The following ZMAT4 variants were observed in gnomAD, a reference collection of about 807,000 sequenced individuals.
ZMAT4 encodes the protein zinc finger matrin-type protein 4.
Under a neutral mutation model 28.7 loss-of-function variants are expected in ZMAT4, and 17 were observed. The ratio of observed to expected loss-of-function variants is 0.59; its 90% CI spans 0.41 to 0.89. The LOEUF (loss-of-function observed/expected upper bound fraction) is 0.89, where lower values mean the gene tolerates loss of function less well. Among genes scored for constraint, ZMAT4 ranks in the 40% least tolerant of loss-of-function variants. The pLI is 0.00. For synonymous variants in ZMAT4, 117 were observed against 109.2 expected (o/e 1.07, Z -0.44); for missense variants, 240 against 283.8 (o/e 0.85, Z 1.11).
Position 40,531,381 on chromosome 8 carries a change from G to A in ZMAT4, c.*842C>T, listed in dbSNP as rs568298463. 4 of 147,920 alleles carry A rather than the reference G, an allele frequency of 2.7e-5. No homozygotes were observed. Among genetic ancestry groups the A allele is most frequent in the African/African-American group, 9.7e-5 (4 of 41,082 alleles). The allele number at this position is 147,920 out of a possible 1,614,324, so 9.2% of individuals were successfully genotyped here. A position where few individuals can be genotyped will look rare whatever the true frequency, so the allele number is the denominator to read the frequency against. On this transcript the variant is annotated 3_prime_UTR_variant, in exon 7 of 7. Transcript: ENST00000297737. ...TCCCCCAATTAAAGCCCACAGTTCA[G>A]GCCAAACATCATAAAAAAAAATACT...
chr8:40,572,903 T>C (rs1804143320), intron 6 of ZMAT4, among the ~76,000 whole-genome samples: 1 of 152,148 alleles, frequency 6.6e-6, no homozygotes, highest in Non-Finnish European at 1.5e-5. Context: ...GTTATCATAA[T>C]AGTAGTAGTA....
intron 4 of ZMAT4, among the ~76,000 whole-genome samples, chr8:40,682,468 G>A (rs1809216353): frequency 6.6e-6 from 1 of 152,142 alleles, no homozygotes; most frequent in Non-Finnish European, 1.5e-5. Context: ...GGCTCTAATT[G>A]TTTAGATAAA....
At chr8:40,683,273 C>T (rs971357166) in intron 4 of ZMAT4, among the ~76,000 whole-genome samples, 5 of 152,130 alleles carry the variant, frequency 3.3e-5, no homozygotes, top group Non-Finnish European at 5.9e-5. Context: ...TCTGTCCAGA[C>T]GGATCTGAAA....
At chr8:40,559,431 T>G (rs1003690804) in intron 6 of ZMAT4, among the ~76,000 whole-genome samples, 3 of 152,084 alleles carry the variant, frequency 2.0e-5, no homozygotes, top group Non-Finnish European at 4.4e-5. Context: ...TTCCTCCTCC[T>G]AACATAACCT....
chr8:40,825,463 G>T, intron 2 of ZMAT4, 112 bp downstream of exon 2: 2 of 851,990 alleles, frequency 2.3e-6, no homozygotes, highest in Non-Finnish European at 3.7e-6. Context: ...CTCAAGTCCT[G>T]TGGTTCTTCA....
chr8:40,881,611 AAG>A (rs949551950), intron 1 of ZMAT4, among the ~76,000 whole-genome samples: 4 of 148,064 alleles, frequency 2.7e-5, no homozygotes, highest in African/African-American at 5.0e-5. Context: ...AAGAAAAGAA[AAG>A]AGAGAGAGAA....
At chr8:40,820,725 A>G (rs1366179546) in intron 2 of ZMAT4, among the ~76,000 whole-genome samples, 1 of 732 alleles carries the variant, frequency 1.4e-3, no homozygotes, top group African/African-American at 5.5e-3. Context: ...GTACGTGTGT[A>G]TGTCTGTGTA....
chr8:40,668,877 G>GT (rs1255917857), intron 5 of ZMAT4, among the ~76,000 whole-genome samples: 5 of 99,464 alleles, frequency 5.0e-5, no homozygotes, highest in Non-Finnish European at 6.9e-5. Flanking sequence ...GCCTTTTAAA[G>GT]TGTTTTTTTT....
chr8:40,865,919 A>G (rs1817663900), intron 1 of ZMAT4, among the ~76,000 whole-genome samples: 1 of 152,228 alleles, frequency 6.6e-6, no homozygotes, highest in Non-Finnish European at 1.5e-5. Flanking sequence ...GCTGCTCAAA[A>G]GAAAAGAGAG....
chr8:40,648,858 A>C (rs1003470860), intron 5 of ZMAT4, among the ~76,000 whole-genome samples: 12 of 138,774 alleles, frequency 8.6e-5, no homozygotes, highest in Non-Finnish European at 1.9e-4. Flanking sequence ...AAAATACTTT[A>C]CAGACAAGCA....
intron 5 of ZMAT4, among the ~76,000 whole-genome samples, chr8:40,614,890 C>G (rs1805940518): frequency 6.6e-6 from 1 of 152,120 alleles, no homozygotes; most frequent in African/African-American, 2.4e-5. Flanking sequence ...ATTTGCCAGT[C>G]TGTGTCTTTT....
intron 2 of ZMAT4, 129 bp downstream of exon 2, chr8:40,825,446 G>C (rs1015125953): frequency 1.6e-5 from 12 of 737,550 alleles, no homozygotes; most frequent in Non-Finnish European, 2.5e-5. Context: ...ACCTCAGACT[G>C]TACAGGCTCA....
At position 40,581,206 on chromosome 8, in the gene ZMAT4, T is replaced by G. The variant is rs761246212; in HGVS notation, c.633A>C (p.Glu211Asp). The G allele has an allele frequency of 6.2e-7, 1 of 1,613,518 alleles. No homozygotes were observed. ...ATCCTTTCAGATGGGCATGATACTG[T>G]TCTATTGAGTTTAGGGAGACACTGC... ...TICSVSLNSIEQYHAHLKGSK... is the reference protein window; with the variant it reads ...TICSVSLNSIDQYHAHLKGSK... The change falls in exon 6 of 7, where the codon GAA (glutamate) becomes GAC (aspartate). Residue 211 changes from glutamate (E) to aspartate (D), a missense_variant. Glu to Asp is a conservative substitution (Grantham distance 45). Coordinates refer to ENST00000297737, the MANE Select transcript of ZMAT4 (RefSeq NM_024645.3).
intron 5 of ZMAT4, among the ~76,000 whole-genome samples, chr8:40,618,286 GTTC>G (rs1286518989): frequency 1.3e-5 from 2 of 152,322 alleles, no homozygotes; most frequent in South Asian, 2.1e-4. Flanking sequence ...GAGGCAGCCT[GTTC>G]TTCTGTAATG....
intron 3 of ZMAT4, among the ~76,000 whole-genome samples, chr8:40,747,832 C>T (rs1249176263): frequency 1.3e-5 from 2 of 152,042 alleles, no homozygotes; most frequent in Admixed American, 1.3e-4. Context: ...TTGCTAATGC[C>T]AACCAGTGAC....
At chr8:40,575,622 A>G (rs1804238943) in intron 6 of ZMAT4, among the ~76,000 whole-genome samples, 1 of 151,446 alleles carries the variant, frequency 6.6e-6, no homozygotes, top group Admixed American at 6.6e-5. Flanking sequence ...AAGTCAGTAC[A>G]CTCTATTCTA....
chr8:40,874,991 G>GC (rs939152837), intron 1 of ZMAT4, among the ~76,000 whole-genome samples: 2 of 152,106 alleles, frequency 1.3e-5, no homozygotes, highest in Non-Finnish European at 2.9e-5. Context: ...GCAGGTGAAA[G>GC]CCCCCCCAAA....
At chr8:40,675,010 A>G in intron 4 of ZMAT4, 79 bp from the exon 5 acceptor site, 1 of 1,120,420 alleles carries the variant, frequency 8.9e-7, no homozygotes, top group Non-Finnish European at 1.3e-6. Flanking sequence ...CCCGAAGACC[A>G]AAAGTCTCCT....
At chr8:40,665,311 G>C (rs1267683435) in intron 5 of ZMAT4, among the ~76,000 whole-genome samples, 1 of 151,998 alleles carries the variant, frequency 6.6e-6, no homozygotes, top group African/African-American at 2.4e-5. Flanking sequence ...TTTCTCTGTC[G>C]CACATACTAC....
Sources: gnomAD v4.1 joint callset for allele counts (sites outside exome capture counted in the v4.1 genomes callset) on GRCh38, gnomAD v4.1.1 for gene constraint, MANE v1.5 for transcripts, NCBI Gene and HGNC (gene_info 2026-07-23, HGNC 2026-07-21) for gene names.